KIRREL3: variants seen among roughly 807,000 people sequenced by gnomAD.
KIRREL3 encodes the protein kirre like nephrin family adhesion molecule 3.
KIRREL3 carries 36 observed loss-of-function variants against 89.7 expected under a neutral mutation model. The observed-to-expected ratio is 0.40, with a 90% CI of 0.31 to 0.53. The LOEUF (loss-of-function observed/expected upper bound fraction) is 0.53. Ranked by LOEUF, KIRREL3 falls within the 20% of genes least tolerant of loss-of-function variation. The pLI, the probability that KIRREL3 is intolerant of heterozygous loss-of-function variation, is 0.49. For synonymous variants in KIRREL3, 445 were observed against 441.4 expected (o/e 1.01, Z -0.10); for missense variants, 864 against 1,056.6 (o/e 0.82, Z 2.53).
chr11:126,963,721 A>C (rs147189392), intron 1 of KIRREL3, among the ~76,000 whole-genome samples: 78 of 152,238 alleles, frequency 5.1e-4, no homozygotes, highest in African/African-American at 1.6e-3. Flanking sequence ...TACACTTATG[A>C]AATGTGTTTC....
chr11:126,946,550 T>G lies in KIRREL3; in HGVS notation c.55+53905A>C, dbSNP rs1461564110. On this transcript the variant is annotated intron_variant, in intron 1 of 16. Coordinates refer to ENST00000525144, the MANE Select transcript of KIRREL3 (RefSeq NM_032531.4). This position sits in a 1 kb window ranked among gnomAD's most constrained non-coding sequence, Gnocchi z 4.1. Reference sequence around the variant, plus strand: ...TCCACTCTAAAACTCTATACATTATTTGATTCATTTATTTAACATATCTTG... The same window carrying G: ...TCCACTCTAAAACTCTATACATTATGTGATTCATTTATTTAACATATCTTG... Among the ~76,000 whole-genome samples the G allele has an allele frequency of 6.6e-6, 1 of 152,258 alleles. No homozygotes were observed. Among genetic ancestry groups the G allele is most frequent in the Admixed American group, 6.5e-5 (1 of 15,292 alleles).
At position 126,759,254 on chromosome 11, in the gene KIRREL3, G is replaced by A. The variant is rs192893815; in HGVS notation, c.56-196342C>T. 3.5e-3 allele frequency among the ~76,000 whole-genome samples: 532 copies of A among 152,036 alleles called. 1 individual carries two copies. Among genetic ancestry groups the A allele is most frequent in the African/African-American group, 0.011 (468 of 41,486 alleles). On this transcript the variant is annotated intron_variant, in intron 1 of 16. Transcript: ENST00000525144. ...AAATGATTCTCCTGCCTCAGCCTCC[G>A]GAGTAGCTGGGATTACAGGCACCCG... is the stretch of plus-strand genomic sequence containing the variant.
Position 126,752,275 on chromosome 11 carries a change from G to C in KIRREL3, c.56-189363C>G, listed in dbSNP as rs911935529. ...AACCAATAGTTGTCTATGGGTCTTG[G>C]GTTTTGAAACTATCATTAGGAACTT... is the stretch of plus-strand genomic sequence containing the variant. On this transcript the variant is annotated intron_variant, in intron 1 of 16. Coordinates refer to ENST00000525144, the MANE Select transcript of KIRREL3 (RefSeq NM_032531.4). The surrounding 1 kb of genome is among the most constrained non-coding windows in gnomAD (Gnocchi z 4.8). Among the ~76,000 whole-genome samples, 1 of 152,026 alleles carries C rather than the reference G, an allele frequency of 6.6e-6. No individual in the cohort carries two copies. The highest frequency in any genetic ancestry group is 2.4e-5 in the African/African-American group (1 of 41,348).
At position 126,898,523 on chromosome 11, in the gene KIRREL3, A is replaced by G. The variant is rs1160717074; in HGVS notation, c.55+101932T>C. The stretch of plus-strand genomic sequence containing the variant: ...GTGAATGCAGCAATTAGAAACAATG[A>G]AGTGGGCAGATACCTAACAATACGA... On this transcript the variant is annotated intron_variant, in intron 1 of 16. Transcript: ENST00000525144. The surrounding 1 kb of genome is among the most constrained non-coding windows in gnomAD (Gnocchi z 4.9). Among the ~76,000 whole-genome samples the G allele has an allele frequency of 1.3e-5, 2 of 152,230 alleles. No homozygotes were observed. Among genetic ancestry groups the G allele is most frequent in the African/African-American group, 4.8e-5 (2 of 41,454 alleles).
chr11:126,925,478 A>G (rs1031861617), intron 1 of KIRREL3, among the ~76,000 whole-genome samples: 2 of 152,184 alleles, frequency 1.3e-5, no homozygotes, highest in African/African-American at 4.8e-5. Flanking sequence ...GGATTTACGA[A>G]CTAAATGGAA....
rs193013977 is a variant in KIRREL3 at position 126,744,448 on chromosome 11, A to G, written c.56-181536T>C. ...ACAGGCTGCTGGACTAGACGGGGACAAGGAAATGGAGAGGTGGCGCAGGTG... is the reference window on the plus strand; with the variant it reads ...ACAGGCTGCTGGACTAGACGGGGACGAGGAAATGGAGAGGTGGCGCAGGTG... On this transcript the variant is annotated intron_variant, in intron 1 of 16. Coordinates refer to ENST00000525144, the MANE Select transcript of KIRREL3 (RefSeq NM_032531.4). The surrounding 1 kb of genome is among the most constrained non-coding windows in gnomAD (Gnocchi z 4.7). 1.1e-4 allele frequency among the ~76,000 whole-genome samples: 17 copies of G among 152,354 alleles called. No individual in the cohort carries two copies. The highest frequency in any genetic ancestry group is 1.9e-4 in the Non-Finnish European group (13 of 68,034).
rs1192407799 is a variant in KIRREL3, at chr11:126,636,897, T to A, written c.56-73985A>T. 6.6e-6 allele frequency among the ~76,000 whole-genome samples: 1 copy of A among 152,218 alleles called. No individual in the cohort carries two copies. The highest frequency in any genetic ancestry group is 1.5e-5 in the Non-Finnish European group (1 of 68,038). On this transcript the variant is annotated intron_variant, in intron 1 of 16. Coordinates refer to ENST00000525144, the MANE Select transcript of KIRREL3 (RefSeq NM_032531.4). The surrounding 1 kb of genome is among the most constrained non-coding windows in gnomAD (Gnocchi z 4.4). ...CATTGTCACATCAATACAATGAAAG[T>A]AACACCTATATCATGGCATTACTGG...
chr11:126,478,632 CGTGTGTATGT>C (rs1367525599), intron 4 of KIRREL3, among the ~76,000 whole-genome samples: 1 of 147,490 alleles, frequency 6.8e-6, no homozygotes, highest in Non-Finnish European at 1.5e-5. Flanking sequence ...TGTGTGTATG[CGTGTGTATGT>C]GTGTATGTAT....
At chr11:126,919,048 T>C (rs374076361) in intron 1 of KIRREL3, among the ~76,000 whole-genome samples, 2 of 150,838 alleles carry the variant, frequency 1.3e-5, no homozygotes, top group South Asian at 2.1e-4. Flanking sequence ...CTATATTATA[T>C]ATAATATGAT....
chr11:126,772,918 A>G lies in KIRREL3; in HGVS notation c.56-210006T>C, dbSNP rs1950062254. 6.6e-6 allele frequency among the ~76,000 whole-genome samples: 1 copy of G among 152,236 alleles called. No homozygotes were observed. The highest frequency in any genetic ancestry group is 2.4e-5 in the African/African-American group (1 of 41,472). On this transcript the variant is annotated intron_variant, in intron 1 of 16. Transcript: ENST00000525144. The surrounding 1 kb of genome is among the most constrained non-coding windows in gnomAD (Gnocchi z 4.6). ...AATCTCCCCAGTGATTCTTACGGAC[A>G]TCAGGACTGAGGTCCTGGGGTTCTG...
intron 1 of KIRREL3, among the ~76,000 whole-genome samples, chr11:126,930,494 T>G (rs1013158118): frequency 2.6e-5 from 4 of 152,198 alleles, no homozygotes; most frequent in Non-Finnish European, 5.9e-5. Flanking sequence ...TGCCCTTAAC[T>G]TTCCTAAATG....
Position 126,574,033 on chromosome 11 carries a change from C to T in KIRREL3, c.56-11121G>A, listed in dbSNP as rs1437976991. On this transcript the variant is annotated intron_variant, in intron 1 of 16. Coordinates refer to ENST00000525144, the MANE Select transcript of KIRREL3 (RefSeq NM_032531.4). The surrounding 1 kb of genome is among the most constrained non-coding windows in gnomAD (Gnocchi z 5.3). ...ATTCCAGAAAGCTCCATGGAAGCCCCTTACAGGCCCCAGACAAGGGGCTTC... is the reference window on the plus strand; with the variant it reads ...ATTCCAGAAAGCTCCATGGAAGCCCTTTACAGGCCCCAGACAAGGGGCTTC... Among the ~76,000 whole-genome samples the T allele has an allele frequency of 6.6e-6, 1 of 152,214 alleles. No individual in the cohort carries two copies. Among genetic ancestry groups the T allele is most frequent in the African/African-American group, 2.4e-5 (1 of 41,440 alleles).
rs1221603932 is a variant in KIRREL3 at position 126,498,244 on chromosome 11, C to A, written c.433+23071G>T. ...CACAAAAGAGGATTTACTTTCTTCCCCCAAAATGATGTCATCAGCTAAGAC... is the reference window on the plus strand; with the variant it reads ...CACAAAAGAGGATTTACTTTCTTCCACCAAAATGATGTCATCAGCTAAGAC... On this transcript the variant is annotated intron_variant, in intron 4 of 16. Transcript: ENST00000525144. This position sits in a 1 kb window ranked among gnomAD's most constrained non-coding sequence, Gnocchi z 4.3. 2.6e-5 allele frequency among the ~76,000 whole-genome samples: 4 copies of A among 152,146 alleles called. No homozygotes were observed. Among genetic ancestry groups the A allele is most frequent in the African/African-American group, 7.2e-5 (3 of 41,424 alleles).
chr11:126,598,574 A>G (rs1019878239), intron 1 of KIRREL3, among the ~76,000 whole-genome samples: 4 of 152,194 alleles, frequency 2.6e-5, no homozygotes, highest in Admixed American at 2.0e-4. Flanking sequence ...TTTTATGACC[A>G]TGAGGTATGA....
At chr11:126,823,200 T>C (rs1943287623) in intron 1 of KIRREL3, among the ~76,000 whole-genome samples, 1 of 152,172 alleles carries the variant, frequency 6.6e-6, no homozygotes, top group Admixed American at 6.5e-5. Flanking sequence ...TATCTACCAT[T>C]TAGAAGGACT....
intron 1 of KIRREL3, among the ~76,000 whole-genome samples, chr11:126,633,946 T>C (rs1286949157): frequency 2.0e-5 from 3 of 152,170 alleles, no homozygotes; most frequent in Non-Finnish European, 4.4e-5. Context: ...ATGTCCCTCT[T>C]CATACAGTAT....
chr11:126,870,909 T>C lies in KIRREL3; in HGVS notation c.55+129546A>G, dbSNP rs1045390358. 2.0e-5 allele frequency among the ~76,000 whole-genome samples: 3 copies of C among 151,906 alleles called. No individual in the cohort carries two copies. The highest frequency in any genetic ancestry group is 1.5e-5 in the Non-Finnish European group (1 of 67,976). ...CTGCACAGAAATTTTCTGCCTACCT[T>C]ACAGAAAGACTGGACCAAAACTGTT... On this transcript the variant is annotated intron_variant, in intron 1 of 16. Coordinates refer to ENST00000525144, the MANE Select transcript of KIRREL3 (RefSeq NM_032531.4). The surrounding 1 kb of genome is among the most constrained non-coding windows in gnomAD (Gnocchi z 4.4).
chr11:126,784,309 C>T (rs1950416881), intron 1 of KIRREL3, among the ~76,000 whole-genome samples: 1 of 152,146 alleles, frequency 6.6e-6, no homozygotes, highest in African/African-American at 2.4e-5. Flanking sequence ...ATAAAGAAAA[C>T]TGGGTGTGGG....
chr11:126,870,708 T>C lies in KIRREL3; in HGVS notation c.55+129747A>G, dbSNP rs1945078950. 6.6e-6 allele frequency among the ~76,000 whole-genome samples: 1 copy of C among 152,174 alleles called. No homozygotes were observed. Among genetic ancestry groups the C allele is most frequent in the African/African-American group, 2.4e-5 (1 of 41,442 alleles). On this transcript the variant is annotated intron_variant, in intron 1 of 16. Transcript: ENST00000525144. The surrounding 1 kb of genome is among the most constrained non-coding windows in gnomAD (Gnocchi z 4.4). ...ATCTGGGAAGGCAGCAGTGATAATG[T>C]GAGCAGGAGTCCAAGAGGTCACGAG... is the stretch of plus-strand genomic sequence containing the variant.
Sources: gnomAD v4.1 joint callset for allele counts (sites outside exome capture counted in the v4.1 genomes callset) on GRCh38, gnomAD v4.1.1 for gene constraint, Gnocchi (gnomAD v3.1) non-coding constraint, MANE v1.5 for transcripts, NCBI Gene and HGNC (gene_info 2026-07-23, HGNC 2026-07-21) for gene names.